Variants in TCERG1L observed in about 807,000 individuals in gnomAD.
TCERG1L encodes transcription elongation regulator 1 like.
In TCERG1L, 37 loss-of-function variants were observed where a neutral mutation model predicts 56.3. That is an observed-to-expected ratio of 0.66 (90% CI 0.51 to 0.87). The LOEUF (loss-of-function observed/expected upper bound fraction) is 0.87. TCERG1L is among the 40% of genes least tolerant of loss of function. The probability of loss-of-function intolerance (pLI) is 0.00; values close to 1 mark genes in which losing one functional copy is unlikely to be tolerated. For missense variants in TCERG1L, 799 were observed against 774.2 expected (o/e 1.03, Z -0.38); for synonymous variants, 324 against 326.3 (o/e 0.99, Z 0.08).
intron 3 of TCERG1L, among the ~76,000 whole-genome samples, chr10:131,270,531 T>A (rs1488282440): frequency 2.0e-5 from 3 of 152,182 alleles, no homozygotes; most frequent in Non-Finnish European, 4.4e-5. Flanking sequence ...AAAACAGTAA[T>A]TAACCATGTG....
chr10:131,202,215 A>AAGG (rs1374546679), intron 4 of TCERG1L, among the ~76,000 whole-genome samples: 2 of 152,200 alleles, frequency 1.3e-5, no homozygotes, highest in Non-Finnish European at 2.9e-5. Context: ...CCACGTTAGA[A>AAGG]ACAGACTGAT....
chr10:131,154,360 G>A (rs985162465), intron 6 of TCERG1L, among the ~76,000 whole-genome samples: 1 of 152,146 alleles, frequency 6.6e-6, no homozygotes, highest in Non-Finnish European at 1.5e-5. Context: ...GGGAGGGAAT[G>A]CTCCCCTCCC....
intron 4 of TCERG1L, among the ~76,000 whole-genome samples, chr10:131,170,452 A>G (rs1846077854): frequency 6.6e-6 from 1 of 151,986 alleles, no homozygotes; most frequent in African/African-American, 2.4e-5. Context: ...CGAGAGAGGC[A>G]CGGCGGTAAT....
chr10:131,177,089 CACAG>C (rs200284747), intron 4 of TCERG1L, among the ~76,000 whole-genome samples: 4,565 of 144,902 alleles, frequency 0.032, 10 homozygotes, highest in South Asian at 0.082. Flanking sequence ...CACACGTACT[CACAG>C]ACACATGCAC....
At chr10:131,309,764 A>T (rs1846859278) in intron 1 of TCERG1L, among the ~76,000 whole-genome samples, 1 of 149,358 alleles carries the variant, frequency 6.7e-6, no homozygotes, top group African/African-American at 2.4e-5. Flanking sequence ...TTTCAAAATG[A>T]AAATATCTAG....
intron 3 of TCERG1L, among the ~76,000 whole-genome samples, chr10:131,272,770 T>C (rs1846352913): frequency 6.6e-6 from 1 of 152,190 alleles, no homozygotes; most frequent in Non-Finnish European, 1.5e-5. Flanking sequence ...CCCTCAGTGC[T>C]GCCCACCCTG....
chr10:131,205,742 T>C (rs1845515764), intron 4 of TCERG1L, among the ~76,000 whole-genome samples: 1 of 152,240 alleles, frequency 6.6e-6, no homozygotes, highest in Non-Finnish European at 1.5e-5. Flanking sequence ...CACCTGGTCT[T>C]GGAGGCTCAG....
At chr10:131,193,168 T>C (rs990314809) in intron 4 of TCERG1L, among the ~76,000 whole-genome samples, 1 of 152,226 alleles carries the variant, frequency 6.6e-6, no homozygotes, top group Non-Finnish European at 1.5e-5. Flanking sequence ...TTGAAAAATA[T>C]CTACGCATGG....
intron 3 of TCERG1L, among the ~76,000 whole-genome samples, chr10:131,296,083 G>A (rs879487446): frequency 1.9e-4 from 29 of 152,078 alleles, no homozygotes; most frequent in Non-Finnish European, 2.8e-4. Flanking sequence ...TTTATGAAAA[G>A]TGATTTCAAA....
At chr10:131,134,199 C>A (rs1441176473) in intron 8 of TCERG1L, among the ~76,000 whole-genome samples, 180 bp downstream of exon 8, 1 of 152,196 alleles carries the variant, frequency 6.6e-6, no homozygotes, top group Non-Finnish European at 1.5e-5. Flanking sequence ...CTCCGAGATA[C>A]CTGCTTCGGC....
chr10:131,264,779 C>T (rs867739864), intron 3 of TCERG1L, among the ~76,000 whole-genome samples: 2 of 152,222 alleles, frequency 1.3e-5, no homozygotes, highest in African/African-American at 4.8e-5. Flanking sequence ...TTAAAGCCAC[C>T]TCCACGCTCT....
intron 3 of TCERG1L, among the ~76,000 whole-genome samples, chr10:131,266,801 C>G (rs1273431040): frequency 6.6e-6 from 1 of 152,080 alleles, no homozygotes; most frequent in Non-Finnish European, 1.5e-5. Context: ...TGTGGCTGGT[C>G]GTCCCTACAT....
chr10:131,148,328 A>G (rs1274849920), intron 6 of TCERG1L, among the ~76,000 whole-genome samples: 2 of 151,208 alleles, frequency 1.3e-5, no homozygotes, highest in Non-Finnish European at 2.9e-5. Context: ...ACACACAAAC[A>G]CACATACACA....
intron 3 of TCERG1L, among the ~76,000 whole-genome samples, chr10:131,264,393 A>G (rs1846265261): frequency 6.6e-6 from 1 of 152,172 alleles, no homozygotes; most frequent in Admixed American, 6.5e-5. Context: ...TTGGATCTCT[A>G]TAGGGTGTGA....
intron 5 of TCERG1L, among the ~76,000 whole-genome samples, chr10:131,163,493 C>A (rs775267961): frequency 6.6e-6 from 1 of 152,160 alleles, no homozygotes; most frequent in African/African-American, 2.4e-5. Context: ...CAGAGGCAGC[C>A]AAGAGAGGGC....
chr10:131,227,152 C>T (rs947774831), intron 4 of TCERG1L, among the ~76,000 whole-genome samples: 4 of 152,242 alleles, frequency 2.6e-5, no homozygotes, highest in African/African-American at 7.2e-5. Context: ...TGGCCATGGG[C>T]CCTAGCAAGG....
Position 131,167,503 on chromosome 10 carries a change from C to T in TCERG1L, c.857-618G>A, listed in dbSNP as rs145716237. ...CCATCTAAAACACTGTTGGCCAAGCCTTGTGAACTGGGCCACGTGGGTCAC... is the reference window on the plus strand; with the variant it reads ...CCATCTAAAACACTGTTGGCCAAGCTTTGTGAACTGGGCCACGTGGGTCAC... On this transcript the variant is annotated intron_variant, in intron 4 of 11. Coordinates refer to ENST00000368642, the MANE Select transcript of TCERG1L (RefSeq NM_174937.4). Among the ~76,000 whole-genome samples, 7 of 152,364 alleles carry T rather than the reference C, an allele frequency of 4.6e-5. No homozygotes were observed. In the Middle Eastern group the frequency reaches 0.01, roughly 222 times the overall value.
chr10:131,267,290 G>A lies in TCERG1L; in HGVS notation c.671-6846C>T, dbSNP rs1187727883. Among the ~76,000 whole-genome samples, 2 of 152,188 alleles carry A rather than the reference G, an allele frequency of 1.3e-5. No individual in the cohort carries two copies. The highest frequency in any genetic ancestry group is 2.4e-5 in the African/African-American group (1 of 41,452). On this transcript the variant is annotated intron_variant, in intron 3 of 11. Transcript: ENST00000368642. The surrounding 1 kb of genome is among the most constrained non-coding windows in gnomAD (Gnocchi z 4.9). ...GCACACACCTGGCTGGACTGCAACA[G>A]CACCCAGGCTTGGCCCCAACCCTAC...
At chr10:131,094,757 G>A (rs1018706561) in intron 11 of TCERG1L, among the ~76,000 whole-genome samples, 14 of 150,632 alleles carry the variant, frequency 9.3e-5, no homozygotes, top group African/African-American at 3.2e-4. Flanking sequence ...CTTTACTGAT[G>A]TAACCACCTT....
Sources: allele counts gnomAD v4.1 joint callset (sites outside exome capture counted in the v4.1 genomes callset), GRCh38; gene constraint gnomAD v4.1.1; non-coding constraint Gnocchi (gnomAD v3.1); transcripts MANE v1.5; gene names NCBI Gene and HGNC (gene_info 2026-07-23, HGNC 2026-07-21).